CHN2: variants seen among roughly 807,000 people sequenced by gnomAD.
CHN2 encodes the protein chimerin 2.
Under a neutral mutation model 56.3 loss-of-function variants are expected in CHN2, and 35 were observed. The observed-to-expected ratio is 0.62, with a 90% confidence interval of 0.47 to 0.82. The LOEUF (loss-of-function observed/expected upper bound fraction) is 0.82, where lower values mean the gene tolerates loss of function less well. Among genes scored for constraint, CHN2 ranks in the 40% least tolerant of loss-of-function variants. The probability of loss-of-function intolerance (pLI) is 0.00; values close to 1 mark genes in which losing one functional copy is unlikely to be tolerated. For synonymous variants in CHN2, 210 were observed against 212.8 expected (o/e 0.99, Z 0.12); for missense variants, 491 against 580.5 (o/e 0.85, Z 1.58).
intron 6 of CHN2, among the ~76,000 whole-genome samples, chr7:29,435,689 C>T (rs1372739983): frequency 6.6e-6 from 1 of 152,156 alleles, no homozygotes; most frequent in Non-Finnish European, 1.5e-5. Flanking sequence ...ATTGACCAGT[C>T]ATTATGCGGT....
intron 6 of CHN2, among the ~76,000 whole-genome samples, chr7:29,466,077 C>T (rs1296868475): frequency 1.3e-5 from 2 of 152,086 alleles, no homozygotes; most frequent in South Asian, 2.1e-4. Context: ...TGGGGGTGCA[C>T]CTGTATCCCA....
chr7:29,428,392 A>G (rs182389385), intron 6 of CHN2, among the ~76,000 whole-genome samples: 3 of 152,258 alleles, frequency 2.0e-5, no homozygotes, highest in Non-Finnish European at 2.9e-5. Flanking sequence ...GTTGGGTTGC[A>G]TTGTTTGTGG....
intron 1 of CHN2, among the ~76,000 whole-genome samples, chr7:29,324,089 AG>A (rs1795604368): frequency 6.8e-6 from 1 of 146,934 alleles, no homozygotes; most frequent in African/African-American, 2.5e-5. Context: ...CACTTTTGGG[AG>A]GTGGGGGGCG....
chr7:29,218,368 G>C (rs1189186802), intron 1 of CHN2, among the ~76,000 whole-genome samples: 1 of 152,156 alleles, frequency 6.6e-6, no homozygotes, highest in East Asian at 1.9e-4. Flanking sequence ...CTGTAAACTA[G>C]TTCAATCATT....
chr7:29,377,878 A>G (rs1209258571), intron 3 of CHN2, among the ~76,000 whole-genome samples: 1 of 152,210 alleles, frequency 6.6e-6, no homozygotes, highest in African/African-American at 2.4e-5. Flanking sequence ...GGCCAGTGTC[A>G]TTTCCTCATC....
chr7:29,381,979 G>C (rs151053479), intron 3 of CHN2, among the ~76,000 whole-genome samples: 1 of 152,222 alleles, frequency 6.6e-6, no homozygotes, highest in East Asian at 1.9e-4. Flanking sequence ...GATGGTTAGC[G>C]TCAGAGTTCC....
At chr7:29,458,382 C>CAT (rs138634303) in intron 6 of CHN2, among the ~76,000 whole-genome samples, 6,834 of 63,052 alleles carry the variant, frequency 0.11, 227 homozygotes, top group African/African-American at 0.17. Flanking sequence ...GCTGTGCACA[C>CAT]ACACACACAC....
intron 6 of CHN2, among the ~76,000 whole-genome samples, chr7:29,442,832 T>C (rs1031955466): frequency 6.6e-6 from 1 of 152,140 alleles, no homozygotes; most frequent in Non-Finnish European, 1.5e-5. Flanking sequence ...CATTTATTTT[T>C]TCAGCGATTA....
At chr7:29,320,504 C>G (rs1795257185) in intron 1 of CHN2, among the ~76,000 whole-genome samples, 4 of 152,038 alleles carry the variant, frequency 2.6e-5, no homozygotes, top group Admixed American at 2.6e-4. Context: ...AAAAAATTCT[C>G]TTTATGGAAA....
chr7:29,242,668 T>C (rs115220097), intron 1 of CHN2, among the ~76,000 whole-genome samples: 1 of 146,720 alleles, frequency 6.8e-6, no homozygotes, highest in South Asian at 2.1e-4. Flanking sequence ...AAGAGCAAAC[T>C]TAGATAAAGA....
intron 1 of CHN2, among the ~76,000 whole-genome samples, chr7:29,300,281 T>C (rs934586017): frequency 1.3e-5 from 2 of 152,150 alleles, no homozygotes; most frequent in African/African-American, 4.8e-5. Context: ...GTTGAAGCCT[T>C]CAGGGCATTT....
At position 29,377,768 on chromosome 7, in the gene CHN2, A is replaced by G. The variant is rs6967841; in HGVS notation, c.144+9781A>G. 5.3e-3 allele frequency among the ~76,000 whole-genome samples: 812 copies of G among 152,334 alleles called. 9 individuals carry two copies. Among genetic ancestry groups the G allele is most frequent in the African/African-American group, 0.019 (786 of 41,582 alleles). On this transcript the variant is annotated intron_variant, in intron 3 of 12. Coordinates refer to ENST00000222792, the MANE Select transcript of CHN2 (RefSeq NM_004067.4). Reference sequence around the variant, plus strand: ...ATGTCCTTTAGCAAATCACAGTCTCACTTGACATTAGTTCTAAGTACACCA... The same window carrying G: ...ATGTCCTTTAGCAAATCACAGTCTCGCTTGACATTAGTTCTAAGTACACCA...
intron 1 of CHN2, among the ~76,000 whole-genome samples, chr7:29,243,899 A>G (rs1263540759): frequency 2.0e-5 from 3 of 152,258 alleles, no homozygotes; most frequent in Non-Finnish European, 2.9e-5. Flanking sequence ...AAGTCAAACT[A>G]CCAGTCAAGA....
chr7:29,215,827 A>G (rs142217548), intron 1 of CHN2, among the ~76,000 whole-genome samples: 19 of 152,188 alleles, frequency 1.2e-4, no homozygotes, highest in Non-Finnish European at 2.5e-4. Flanking sequence ...GTTAGCTACT[A>G]TCTTTTCTTT....
At chr7:29,443,341 C>T (rs1258431846) in intron 6 of CHN2, among the ~76,000 whole-genome samples, 2 of 152,186 alleles carry the variant, frequency 1.3e-5, no homozygotes. Flanking sequence ...TGGTCAACAG[C>T]AGATCACATA....
Position 29,303,960 on chromosome 7 carries a change from T to C in CHN2, c.50-50665T>C, listed in dbSNP as rs187462620. Reference sequence around the variant, plus strand: ...CTGTAATCTCAGCTACTCGAGAGGCTGAGGCACGAGAATGGCTTGAACCCA... The same window carrying C: ...CTGTAATCTCAGCTACTCGAGAGGCCGAGGCACGAGAATGGCTTGAACCCA... On this transcript the variant is annotated intron_variant, in intron 1 of 12. Coordinates refer to ENST00000222792, the MANE Select transcript of CHN2 (RefSeq NM_004067.4). Among the ~76,000 whole-genome samples, 14 of 152,016 alleles carry C rather than the reference T, an allele frequency of 9.2e-5. No homozygotes were observed. In the East Asian group the frequency reaches 2.1e-3, roughly 23 times the overall value.
chr7:29,324,218 G>A (rs1795618456), intron 1 of CHN2, among the ~76,000 whole-genome samples: 1 of 152,144 alleles, frequency 6.6e-6, no homozygotes, highest in Admixed American at 6.5e-5. Context: ...GCTATTTGCA[G>A]GAGTAGTTGA....
intron 6 of CHN2, among the ~76,000 whole-genome samples, chr7:29,477,060 CTGAGA>C (rs1327016994): frequency 6.6e-6 from 1 of 152,110 alleles, no homozygotes; most frequent in East Asian, 1.9e-4. Context: ...CCTTGAGGAG[CTGAGA>C]TAAAAAAGAG....
intron 7 of CHN2, among the ~76,000 whole-genome samples, chr7:29,485,406 C>G (rs1585572299): frequency 6.6e-6 from 1 of 152,170 alleles, no homozygotes; most frequent in Non-Finnish European, 1.5e-5. Context: ...CGCCCTGAAG[C>G]TGACCCTGTG....
Sources: allele counts gnomAD v4.1 joint callset (sites outside exome capture counted in the v4.1 genomes callset), GRCh38; gene constraint gnomAD v4.1.1; transcripts MANE v1.5; gene names NCBI Gene and HGNC (gene_info 2026-07-23, HGNC 2026-07-21).